RIPOR2: variants seen among roughly 807,000 people sequenced by gnomAD.
RIPOR2 encodes the protein rho family-interacting cell polarization regulator 2.
RIPOR2 carries 39 observed loss-of-function variants against 114.5 expected under a neutral mutation model. The observed-to-expected ratio is 0.34, with a 90% CI of 0.26 to 0.44. RIPOR2 has a LOEUF of 0.44. Among genes scored for constraint, RIPOR2 ranks in the 20% least tolerant of loss-of-function variants. RIPOR2 has a pLI of 1.00. For synonymous variants in RIPOR2, 445 were observed against 484.4 expected, an observed-to-expected ratio of 0.92 and a Z score of 1.07; for missense variants, 1,007 against 1,255.1, an observed-to-expected ratio of 0.80 and a Z score of 2.99.
At chr6:24,825,992 T>C (rs1035712773) in intron 18 of RIPOR2, among the ~76,000 whole-genome samples, 48 of 149,194 alleles carry the variant, frequency 3.2e-4, no homozygotes, top group African/African-American at 9.9e-4. Context: ...AATGGTGTGA[T>C]CTCGGTTCAC....
chr6:24,838,269 G>C (rs1047254068), intron 14 of RIPOR2, among the ~76,000 whole-genome samples: 9 of 152,122 alleles, frequency 5.9e-5, no homozygotes, highest in African/African-American at 2.2e-4. Context: ...ACTTGACTTG[G>C]ATGCGTGCCT....
chr6:24,920,122 G>A lies in RIPOR2; in HGVS notation c.61+15716C>T, dbSNP rs560570239. Among the ~76,000 whole-genome samples the A allele has an allele frequency of 4.6e-5, 7 of 152,308 alleles. No homozygotes were observed. In the East Asian group the frequency reaches 1.4e-3, roughly 29 times the overall value. ...GCCTACTAGCTATTGACTGTTAAATGGATGTGTGACTGATGGAGACAGATA... is the reference window on the plus strand; with the variant it reads ...GCCTACTAGCTATTGACTGTTAAATAGATGTGTGACTGATGGAGACAGATA... On this transcript the variant is annotated intron_variant, in intron 1 of 21. Transcript: ENST00000643898.
chr6:25,021,998 A>C (rs547165913), intron 1 of RIPOR2, among the ~76,000 whole-genome samples: 14 of 152,338 alleles, frequency 9.2e-5, no homozygotes, highest in Non-Finnish European at 1.8e-4. Context: ...CAAGGGAAAG[A>C]TAAACATTAA....
Position 24,870,851 on chromosome 6 carries a change from G to C in RIPOR2, c.447+15C>G, listed in dbSNP as rs759230337. ...TTTTTTCTTATTAGCACCCCAACAC[G>C]GAATGGCAACTTACCTTGTCTAGGT... On this transcript the variant is annotated intron_variant, in intron 5 of 21. Transcript: ENST00000643898. The C allele has an allele frequency of 6.3e-7, 1 of 1,599,662 alleles. No homozygotes were observed.
intron 1 of RIPOR2, among the ~76,000 whole-genome samples, chr6:24,994,028 TCAC>T (rs1774943768): frequency 6.6e-6 from 1 of 152,240 alleles, no homozygotes; most frequent in African/African-American, 2.4e-5. Flanking sequence ...ACCTAACATT[TCAC>T]TCACAGTGCC....
At chr6:25,036,560 T>TA (rs148787234) in intron 1 of RIPOR2, among the ~76,000 whole-genome samples, 10 of 151,224 alleles carry the variant, frequency 6.6e-5, no homozygotes, top group East Asian at 3.9e-4. Flanking sequence ...CCCACTAACT[T>TA]AAAAAAAAAT....
chr6:24,984,568 C>T (rs1774451448), intron 1 of RIPOR2, among the ~76,000 whole-genome samples: 2 of 151,704 alleles, frequency 1.3e-5, no homozygotes, highest in Non-Finnish European at 2.9e-5. Flanking sequence ...CCCGGTGGTG[C>T]ACGCCAGTAG....
chr6:24,837,902 T>C (rs924509364), intron 14 of RIPOR2, among the ~76,000 whole-genome samples: 5 of 152,164 alleles, frequency 3.3e-5, no homozygotes, highest in Admixed American at 3.3e-4. Flanking sequence ...GTTGAAATCA[T>C]AGCTTGCTGT....
At chr6:24,833,572 C>T (rs189871168) in intron 15 of RIPOR2, among the ~76,000 whole-genome samples, 3 of 152,076 alleles carry the variant, frequency 2.0e-5, no homozygotes, top group Non-Finnish European at 4.4e-5. Context: ...TGTACTAACA[C>T]CCTTCCTGTG....
intron 1 of RIPOR2, among the ~76,000 whole-genome samples, chr6:25,030,621 A>G (rs2113751110): frequency 6.6e-6 from 1 of 152,348 alleles, no homozygotes; most frequent in South Asian, 2.1e-4. Flanking sequence ...AAAAGGCTAC[A>G]TACTGTATGA....
At chr6:24,896,545 T>G (rs1767904758) in intron 1 of RIPOR2, among the ~76,000 whole-genome samples, 3 of 152,186 alleles carry the variant, frequency 2.0e-5, no homozygotes, top group Non-Finnish European at 2.9e-5. Flanking sequence ...AAAGTTGAAT[T>G]AATAAGATGA....
In RIPOR2 at chr6:24,806,273, C is replaced by A; in HGVS notation, c.*100G>T. 1.2e-6 allele frequency: 1 copy of A among 816,362 alleles called. No individual in the cohort carries two copies. The highest frequency in any genetic ancestry group is 2.0e-6 in the Non-Finnish European group (1 of 498,306). The allele number at this position is 816,362 out of a possible 1,614,324, so 50.6% of individuals were successfully genotyped here. A position where few individuals can be genotyped will look rare whatever the true frequency, so the allele number is the denominator to read the frequency against. On this transcript the variant is annotated 3_prime_UTR_variant, in exon 22 of 22. Transcript: ENST00000643898. ...TGGCCTACATTTTTATTTCAGTTGT[C>A]GTGTCTCTCAGGCTCTAAACAATTT...
chr6:24,879,956 T>C (rs1766196573), intron 1 of RIPOR2, among the ~76,000 whole-genome samples: 2 of 152,336 alleles, frequency 1.3e-5, no homozygotes, highest in African/African-American at 4.8e-5. Context: ...GTAATCTGCA[T>C]TTTAATAGCA....
At position 24,983,193 on chromosome 6, in the gene RIPOR2, TACACACACAC is replaced by T. The variant is rs5875016; in HGVS notation, c.76+58648_76+58657del. On this transcript the variant is annotated intron_variant, in intron 1 of 13. Transcript: ENST00000510784. ...GGTTTTTTCCTTTAGGTTGAACACG[TACACACACAC>T]ACACACACACACACATACATATATA... Among the ~76,000 whole-genome samples, 952 of 147,342 alleles carry T rather than the reference TACACACACAC, an allele frequency of 6.5e-3. 12 individuals are homozygous for T. Among genetic ancestry groups the T allele is most frequent in the African/African-American group, 0.02 (808 of 39,596 alleles).
chr6:24,940,374 A>T (rs1772059955), upstream of RIPOR2, among the ~76,000 whole-genome samples: 1 of 152,194 alleles, frequency 6.6e-6, no homozygotes, highest in Non-Finnish European at 1.5e-5. Flanking sequence ...GTGTTTTAAA[A>T]TACTTAATTT....
chr6:24,977,305 T>C (rs1397244311), intron 1 of RIPOR2, among the ~76,000 whole-genome samples: 1 of 152,196 alleles, frequency 6.6e-6, no homozygotes, highest in African/African-American at 2.4e-5. Context: ...GGGTTACCAA[T>C]GTTTTCAATT....
At position 24,935,839 on chromosome 6, in the gene RIPOR2, T is replaced by A; in HGVS notation, c.60A>T (p.Glu20Asp). 1.3e-6 allele frequency: 2 copies of A among 1,534,388 alleles called. No homozygotes were observed. The highest frequency in any genetic ancestry group is 1.7e-6 in the Non-Finnish European group (2 of 1,145,774). ...LVDEEDDVFG[E>D]GLPTRLPEIM... is the part of the protein sequence containing the mutation. Reference sequence around the variant, plus strand: ...CTCCTGCCAGAAAGATGCATTTACCTTCACCAAAAACATCATCCTCTTCAT... The same window carrying A: ...CTCCTGCCAGAAAGATGCATTTACCATCACCAAAAACATCATCCTCTTCAT... Residue 20 changes from glutamate (E) to aspartate (D), a missense_variant and splice_region_variant, in exon 1 of 22, where the codon GAA becomes GAT. By Grantham distance (45) the Glu-to-Asp change is conservative. Transcript: ENST00000643898.
chr6:24,908,823 A>G (rs1485087288), intron 1 of RIPOR2, among the ~76,000 whole-genome samples: 2 of 152,238 alleles, frequency 1.3e-5, no homozygotes, highest in South Asian at 2.1e-4. Context: ...TTTGCAGTTA[A>G]CAAAAGGAAG....
intron 17 of RIPOR2, among the ~76,000 whole-genome samples, chr6:24,829,844 T>C (rs1049629500): frequency 2.0e-5 from 3 of 152,204 alleles, no homozygotes; most frequent in Admixed American, 1.3e-4. Context: ...AGGGGGTATA[T>C]TGAGCTTTAG....
Sources: allele counts gnomAD v4.1 joint callset (sites outside exome capture counted in the v4.1 genomes callset), GRCh38; gene constraint gnomAD v4.1.1; transcripts MANE v1.5; gene names NCBI Gene and HGNC (gene_info 2026-07-23, HGNC 2026-07-21).